The following NRXN3 variants were observed in gnomAD, a reference collection of about 807,000 sequenced individuals.
The protein encoded by NRXN3 is neurexin III.
In NRXN3, 32 loss-of-function variants were observed where a neutral mutation model predicts 137.6. That is an observed-to-expected ratio of 0.23 (90% CI 0.18 to 0.31). NRXN3 has a LOEUF of 0.31. Among genes scored for constraint, NRXN3 ranks in the 10% least tolerant of loss-of-function variants. NRXN3 has a pLI of 1.00. For synonymous variants in NRXN3, 798 were observed against 784.5 expected, an observed-to-expected ratio of 1.02 and a Z score of -0.29; for missense variants, 1,574 against 2,062.5, an observed-to-expected ratio of 0.76 and a Z score of 4.59.
chr14:78,840,612 A>T (rs1314834229), intron 10 of NRXN3, among the ~76,000 whole-genome samples: 4 of 151,964 alleles, frequency 2.6e-5, no homozygotes, highest in African/African-American at 9.7e-5. Flanking sequence ...TTGTTAAGGG[A>T]CCTAGACTGA....
At chr14:79,432,170 C>T (rs1304974895) in intron 15 of NRXN3, among the ~76,000 whole-genome samples, 2 of 152,026 alleles carry the variant, frequency 1.3e-5, no homozygotes, top group East Asian at 3.9e-4. Context: ...AAATATGTGT[C>T]TTTAATTCAT....
chr14:78,786,676 C>CA (rs1370953169), intron 8 of NRXN3, among the ~76,000 whole-genome samples: 1 of 151,900 alleles, frequency 6.6e-6, no homozygotes, highest in Non-Finnish European at 1.5e-5. Context: ...TCAGTGTTCA[C>CA]AAAAAAACAC....
chr14:79,263,230 A>T (rs2077912736), intron 15 of NRXN3, among the ~76,000 whole-genome samples: 1 of 152,232 alleles, frequency 6.6e-6, no homozygotes, highest in Non-Finnish European at 1.5e-5. Flanking sequence ...TTTCAGCCAC[A>T]GAATACCACA....
intron 15 of NRXN3, among the ~76,000 whole-genome samples, chr14:79,419,106 G>T (rs1309839737): frequency 1.3e-5 from 2 of 152,180 alleles, no homozygotes; most frequent in Non-Finnish European, 2.9e-5. Context: ...GGGTTAATTT[G>T]TGAAACTTAG....
chr14:79,750,749 T>G (rs1190001866), intron 19 of NRXN3, among the ~76,000 whole-genome samples: 2 of 152,158 alleles, frequency 1.3e-5, no homozygotes, highest in Non-Finnish European at 2.9e-5. Flanking sequence ...AATACTTCTG[T>G]GGAGTCGCAA....
chr14:79,297,202 C>G (rs2084332866), intron 15 of NRXN3, among the ~76,000 whole-genome samples: 1 of 151,540 alleles, frequency 6.6e-6, no homozygotes, highest in Non-Finnish European at 1.5e-5. Context: ...TCCTGTTGCT[C>G]ATTTCACAAT....
At chr14:79,298,111 T>C (rs776513789) in intron 15 of NRXN3, among the ~76,000 whole-genome samples, 4 of 152,036 alleles carry the variant, frequency 2.6e-5, no homozygotes, top group Non-Finnish European at 5.9e-5. Context: ...CCTGAATCCT[T>C]TATTTCTGAA....
intron 15 of NRXN3, among the ~76,000 whole-genome samples, chr14:79,060,933 A>G (rs191015435): frequency 6.6e-6 from 1 of 152,256 alleles, no homozygotes. Flanking sequence ...CTCACTGTGC[A>G]TCACTGATTA....
At chr14:79,755,019 C>T (rs1568127804) in intron 19 of NRXN3, among the ~76,000 whole-genome samples, 1 of 152,080 alleles carries the variant, frequency 6.6e-6, no homozygotes, top group Non-Finnish European at 1.5e-5. Flanking sequence ...TGCCTTTTTC[C>T]TTTATAAATT....
intron 15 of NRXN3, among the ~76,000 whole-genome samples, chr14:79,298,522 TTTTTCTC>T (rs1283151435): frequency 6.6e-6 from 1 of 152,026 alleles, no homozygotes; most frequent in African/African-American, 2.4e-5. Context: ...GTCTTAACAT[TTTTTCTC>T]ACCAGATACT....
intron 15 of NRXN3, among the ~76,000 whole-genome samples, chr14:79,360,806 C>T (rs537982659): frequency 2.0e-5 from 3 of 152,242 alleles, no homozygotes; most frequent in South Asian, 2.1e-4. Flanking sequence ...GTGACCTTAG[C>T]GAATTTACCT....
chr14:78,891,476 C>A (rs149404872), intron 10 of NRXN3, among the ~76,000 whole-genome samples: 1 of 151,786 alleles, frequency 6.6e-6, no homozygotes, highest in Non-Finnish European at 1.5e-5. Flanking sequence ...TCTACAGTGA[C>A]GTCAGGGAGC....
At chr14:78,321,798 T>A (rs968023987) in intron 4 of NRXN3, among the ~76,000 whole-genome samples, 3 of 152,074 alleles carry the variant, frequency 2.0e-5, no homozygotes, top group African/African-American at 7.3e-5. Context: ...CTCATAGGCT[T>A]CAAAACATTG....
chr14:78,398,324 C>T (rs942724669), intron 4 of NRXN3, among the ~76,000 whole-genome samples: 5 of 151,668 alleles, frequency 3.3e-5, no homozygotes, highest in African/African-American at 1.2e-4. Flanking sequence ...TCAGTTCTTG[C>T]TATGATGTGT....
intron 15 of NRXN3, among the ~76,000 whole-genome samples, chr14:79,234,858 C>G (rs2153305676): frequency 6.6e-6 from 1 of 151,996 alleles, no homozygotes; most frequent in South Asian, 2.1e-4. Context: ...CTCCTGGGAA[C>G]ACAATTTGGG....
rs543875478 is a variant in NRXN3 at position 78,272,649 on chromosome 14, A to G, written c.710-5996A>G. 1.5e-3 allele frequency among the ~76,000 whole-genome samples: 221 copies of G among 152,266 alleles called. 1 individual carries two copies. Among genetic ancestry groups the G allele is most frequent in the African/African-American group, 5.1e-3 (212 of 41,546 alleles). On this transcript the variant is annotated intron_variant, in intron 2 of 20. Coordinates refer to ENST00000335750, the MANE Select transcript of NRXN3 (RefSeq NM_001330195.2). ...TTTTCTTACTTCTGTGAGATGCCCA[A>G]TATTCTCATACCTAATTTGTAGCTC...
intron 15 of NRXN3, among the ~76,000 whole-genome samples, chr14:79,359,037 A>T (rs1351720019): frequency 6.6e-6 from 1 of 152,216 alleles, no homozygotes; most frequent in Non-Finnish European, 1.5e-5. Flanking sequence ...GCCTCAAGTT[A>T]AATAACTACA....
chr14:78,819,139 C>T (rs1596189593), intron 10 of NRXN3, among the ~76,000 whole-genome samples: 1 of 152,054 alleles, frequency 6.6e-6, no homozygotes, highest in East Asian at 1.9e-4. Context: ...GCTGATGTTT[C>T]AGGGACTGTA....
intron 15 of NRXN3, among the ~76,000 whole-genome samples, chr14:79,254,957 T>A (rs976052402): frequency 6.6e-6 from 1 of 152,170 alleles, no homozygotes; most frequent in Non-Finnish European, 1.5e-5. Flanking sequence ...AATTGATTTA[T>A]GTGCTTTTGC....
Sources: gnomAD v4.1 joint callset for allele counts (sites outside exome capture counted in the v4.1 genomes callset) on GRCh38, gnomAD v4.1.1 for gene constraint, MANE v1.5 for transcripts, NCBI Gene and HGNC (gene_info 2026-07-23, HGNC 2026-07-21) for gene names.